Variants in DNAH9 observed in about 807,000 individuals in gnomAD.
The protein encoded by DNAH9 is DNAH9 variant protein.
Under a neutral mutation model 471.6 loss-of-function variants are expected in DNAH9, and 345 were observed. That is an observed-to-expected ratio of 0.73 (90% CI 0.67 to 0.80). The LOEUF (loss-of-function observed/expected upper bound fraction) is 0.80, where lower values mean the gene tolerates loss of function less well. Among genes scored for constraint, DNAH9 ranks in the 30% least tolerant of loss-of-function variants. The probability of loss-of-function intolerance (pLI) is 0.00; values close to 1 mark genes in which losing one functional copy is unlikely to be tolerated. For missense variants in DNAH9, 5,407 were observed against 5,609.2 expected (o/e 0.96, Z 1.15); for synonymous variants, 2,093 against 2,123.6 (o/e 0.99, Z 0.40).
chr17:11,966,691 TAAATGATGAA>T (rs1365564206), intron 68 of DNAH9, among the ~76,000 whole-genome samples: 3 of 152,208 alleles, frequency 2.0e-5, no homozygotes, highest in African/African-American at 7.2e-5. Context: ...AGATGTAATG[TAAATGATGAA>T]AACAGCACAA....
intron 1 of DNAH9, among the ~76,000 whole-genome samples, chr17:11,607,358 A>G (rs1385620185): frequency 6.6e-6 from 1 of 152,108 alleles, no homozygotes; most frequent in Non-Finnish European, 1.5e-5. Context: ...CCACATGGGG[A>G]TTGCTCTTGG....
intron 17 of DNAH9, 101 bp downstream of exon 17, chr17:11,669,895 A>C: frequency 9.8e-7 from 1 of 1,023,002 alleles, no homozygotes; most frequent in Non-Finnish European, 1.4e-6. Flanking sequence ...ATGTTGGTTA[A>C]ATTAAAGATT....
intron 26 of DNAH9, among the ~76,000 whole-genome samples, chr17:11,706,171 G>A (rs1257510668): frequency 1.3e-5 from 2 of 152,030 alleles, no homozygotes; most frequent in Non-Finnish European, 2.9e-5. Flanking sequence ...CTCAGTAATC[G>A]ATCCCTATTA....
chr17:11,866,822 G>T (rs1315100433), intron 50 of DNAH9, among the ~76,000 whole-genome samples: 9 of 152,216 alleles, frequency 5.9e-5, no homozygotes, highest in Non-Finnish European at 1.3e-4. Flanking sequence ...GACCCTCCGA[G>T]CCAGGTGCAG....
chr17:11,708,010 CACACAGAGAGAGAGAGAGAGAG>C (rs1348306566), intron 26 of DNAH9, among the ~76,000 whole-genome samples: 82 of 48,272 alleles, frequency 1.7e-3, no homozygotes, highest in African/African-American at 4.9e-3. Context: ...CACACACACA[CACACAGAGAGAGAGAGAGAGAG>C]AGAGAGAGAG....
chr17:11,866,174 G>A (rs1972046526), intron 50 of DNAH9, among the ~76,000 whole-genome samples: 1 of 150,344 alleles, frequency 6.7e-6, no homozygotes, highest in African/African-American at 2.4e-5. Flanking sequence ...TTTGATGATG[G>A]TGATGTACAG....
chr17:11,926,036 A>G (rs4792197), intron 62 of DNAH9, among the ~76,000 whole-genome samples: 2,869 of 19,596 alleles, frequency 0.15, 173 homozygotes, highest in Non-Finnish European at 0.23. Context: ...AGATTCTCTG[A>G]AAAAAAAAAA....
chr17:11,602,026 A>G (rs2072397052), intron 1 of DNAH9, among the ~76,000 whole-genome samples: 1 of 152,150 alleles, frequency 6.6e-6, no homozygotes, highest in African/African-American at 2.4e-5. Flanking sequence ...GAATTTAGTA[A>G]CTTGTTCTCC....
chr17:11,960,484 A>T (rs181477532), intron 67 of DNAH9, among the ~76,000 whole-genome samples: 1,511 of 139,090 alleles, frequency 0.011, 33 homozygotes, highest in African/African-American at 0.039. Flanking sequence ...CTGGGTGCGG[A>T]GGCTCATGCC....
At chr17:11,831,841 C>T (rs1420427391) in intron 48 of DNAH9, among the ~76,000 whole-genome samples, 2 of 152,184 alleles carry the variant, frequency 1.3e-5, no homozygotes, top group Admixed American at 1.3e-4. Flanking sequence ...TCACCCACCA[C>T]CACTGCATTG....
chr17:11,809,775 ACG>A (rs1969822195), intron 44 of DNAH9, among the ~76,000 whole-genome samples: 1 of 136,956 alleles, frequency 7.3e-6, no homozygotes, highest in Non-Finnish European at 1.7e-5. Flanking sequence ...TCTTCCATAT[ACG>A]TAAGTAAGTC....
intron 66 of DNAH9, among the ~76,000 whole-genome samples, chr17:11,941,384 T>G (rs976200087): frequency 4.6e-5 from 7 of 152,184 alleles, no homozygotes; most frequent in Admixed American, 2.0e-4. Flanking sequence ...CTATTATGTC[T>G]GCACTTTTCA....
intron 10 of DNAH9, among the ~76,000 whole-genome samples, chr17:11,642,724 G>A (rs2073300846): frequency 6.6e-6 from 1 of 152,154 alleles, no homozygotes; most frequent in African/African-American, 2.4e-5. Flanking sequence ...CTCTGCTCTG[G>A]CCTCATTCTT....
At chr17:11,860,045 A>G (rs1381816569) in intron 50 of DNAH9, among the ~76,000 whole-genome samples, 1 of 152,232 alleles carries the variant, frequency 6.6e-6, no homozygotes, top group East Asian at 1.9e-4. Context: ...ACCAAAACTG[A>G]GAATACATTC....
chr17:11,707,044 C>G (rs140141403), intron 26 of DNAH9, among the ~76,000 whole-genome samples: 1 of 152,160 alleles, frequency 6.6e-6, no homozygotes, highest in Non-Finnish European at 1.5e-5. Flanking sequence ...GACAGCACAA[C>G]ACAGGTAAAG....
At chr17:11,866,050 T>C (rs907273198) in intron 50 of DNAH9, among the ~76,000 whole-genome samples, 1 of 152,238 alleles carries the variant, frequency 6.6e-6, no homozygotes, top group African/African-American at 2.4e-5. Flanking sequence ...CTTTGTTCTA[T>C]TGCTGGTGAG....
At chr17:11,844,984 C>CTT (rs553196445) in intron 49 of DNAH9, among the ~76,000 whole-genome samples, 1,706 of 149,876 alleles carry the variant, frequency 0.011, 34 homozygotes, top group African/African-American at 0.04. Flanking sequence ...CCTTTGTCCA[C>CTT]TTTTTTTTTA....
At chr17:11,722,933 G>A (rs1456868193) in intron 27 of DNAH9, among the ~76,000 whole-genome samples, 1 of 152,054 alleles carries the variant, frequency 6.6e-6, no homozygotes, top group Non-Finnish European at 1.5e-5. Flanking sequence ...AACCCTCTCT[G>A]TAGCAGCCAT....
At chr17:11,629,085 TC>T (rs766761474) in intron 6 of DNAH9, among the ~76,000 whole-genome samples, 1 of 134,152 alleles carries the variant, frequency 7.5e-6, no homozygotes, top group Admixed American at 7.1e-5. Context: ...TGATTTTAAC[TC>T]TTTTTTTTTT....
Sources: gnomAD v4.1 joint callset for allele counts (sites outside exome capture counted in the v4.1 genomes callset) on GRCh38, gnomAD v4.1.1 for gene constraint, MANE v1.5 for transcripts, NCBI Gene and HGNC (gene_info 2026-07-23, HGNC 2026-07-21) for gene names.